The following SV2C variants were observed in gnomAD, a reference collection of about 807,000 sequenced individuals.
The protein encoded by SV2C is synaptic vesicle glycoprotein 2C, also known as solute carrier family 22 member B3.
A neutral mutation model predicts 79.7 loss-of-function variants in SV2C; 49 were observed. That is an observed-to-expected ratio of 0.61 (90% CI 0.49 to 0.78). The LOEUF (loss-of-function observed/expected upper bound fraction) is 0.78. Among genes scored for constraint, SV2C ranks in the 30% least tolerant of loss-of-function variants. SV2C has a pLI of 0.00. For synonymous variants in SV2C, 334 were observed against 333.2 expected (o/e 1.00, Z -0.03); for missense variants, 833 against 912.9 (o/e 0.91, Z 1.13).
the SV2C span, among the ~76,000 whole-genome samples, chr5:76,050,588 C>T: frequency 6.7e-6 from 1 of 148,210 alleles, no homozygotes; most frequent in East Asian, 1.9e-4. Context: ...CTCTCTCTCT[C>T]TTTCACTCTC....
chr5:76,161,984 A>G (rs1482158559), intron 2 of SV2C, among the ~76,000 whole-genome samples: 2 of 152,122 alleles, frequency 1.3e-5, no homozygotes, highest in African/African-American at 2.4e-5. Context: ...CCTCAGTTCT[A>G]TTAACTGTAG....
chr5:76,321,747 A>G (rs761609305), intron 12 of SV2C, among the ~76,000 whole-genome samples: 1 of 49,086 alleles, frequency 2.0e-5, no homozygotes, highest in Non-Finnish European at 3.7e-5. Context: ...ATCATCTCTG[A>G]AAAAAAAAAA....
intron 2 of SV2C, among the ~76,000 whole-genome samples, chr5:76,158,198 A>T (rs10066377): frequency 0.66 from 100,287 of 151,662 alleles, 34,118 homozygotes; most frequent in East Asian, 0.97. Context: ...GTATCAATAA[A>T]GACATTAAAT....
At chr5:76,227,724 C>T (rs1419580254) in intron 4 of SV2C, among the ~76,000 whole-genome samples, 1 of 152,182 alleles carries the variant, frequency 6.6e-6, no homozygotes, top group Non-Finnish European at 1.5e-5. Flanking sequence ...TGTCAGTCCC[C>T]TCCACACATC....
chr5:75,901,995 C>T, the SV2C span, among the ~76,000 whole-genome samples: 1 of 152,202 alleles, frequency 6.6e-6, no homozygotes. Flanking sequence ...GTCTGTCACC[C>T]CTTTCTTTGA....
In SV2C at chr5:76,328,077, A is replaced by G. The variant is rs763219259; in HGVS notation, c.*2530A>G. 8 of 152,140 alleles carry G rather than the reference A, an allele frequency of 5.3e-5. No individual in the cohort carries two copies. The highest frequency in any genetic ancestry group is 1.4e-4 in the African/African-American group (6 of 41,408). The allele number at this position is 152,140 out of a possible 1,614,324, so 9.4% of individuals were successfully genotyped here. ...CCCTGCCTCCTTGAGACTGTTCATC[A>G]CCTTGATTTTCTAAGAGAGCTCAAA... On this transcript the variant is annotated 3_prime_UTR_variant, in exon 13 of 13. Transcript: ENST00000502798.
chr5:76,132,372 T>A, intron 2 of SV2C, 42 bp downstream of exon 2: 1 of 1,545,668 alleles, frequency 6.5e-7, no homozygotes, highest in Non-Finnish European at 8.8e-7. Context: ...GAAACTGGCT[T>A]ATTTGTTAAG....
intron 10 of SV2C, among the ~76,000 whole-genome samples, chr5:76,300,186 TA>T (rs1747938568): frequency 1.3e-5 from 2 of 148,678 alleles, no homozygotes; most frequent in South Asian, 4.2e-4. Context: ...TTATTATTAT[TA>T]TTATTTTTGT....
At chr5:76,106,053 A>C (rs560178854) in intron 1 of SV2C, among the ~76,000 whole-genome samples, 11 of 152,210 alleles carry the variant, frequency 7.2e-5, no homozygotes, top group Admixed American at 3.3e-4. Flanking sequence ...TCTCCATTGG[A>C]TGTCTAATCA....
chr5:75,954,763 G>T, the SV2C span, among the ~76,000 whole-genome samples: 2 of 149,208 alleles, frequency 1.3e-5, no homozygotes, highest in South Asian at 4.2e-4. Flanking sequence ...GACAAACAGA[G>T]AGCCAAATCA....
chr5:76,325,420 A>T lies in SV2C; in HGVS notation c.2057A>T (p.Asn686Ile). 1 of 1,614,170 alleles carries T rather than the reference A, an allele frequency of 6.2e-7. No individual in the cohort carries two copies. Among genetic ancestry groups the T allele is most frequent in the East Asian group, 2.2e-5 (1 of 44,890 alleles). ...TGCAAGGCAGCAGCCGTCCTGGGAA[A>T]CTTAATATTTGGCTCTCTGGTCAGC... ...ALCKAAAVLG[N>I]LIFGSLVSIT... The change falls in exon 13 of 13, where the codon AAC becomes ATC. Residue 686 changes from asparagine (N) to isoleucine (I), a missense_variant. Asn to Ile is a moderately radical substitution (Grantham distance 149, BLOSUM62 -3). Coordinates refer to ENST00000502798, the MANE Select transcript of SV2C (RefSeq NM_014979.4).
At chr5:76,274,986 A>G (rs1196026443) in intron 4 of SV2C, among the ~76,000 whole-genome samples, 1 of 152,086 alleles carries the variant, frequency 6.6e-6, no homozygotes, top group Non-Finnish European at 1.5e-5. Flanking sequence ...GCCCCTTTTT[A>G]AAGAAAATTT....
At chr5:76,285,684 C>T (rs1342922837) in intron 5 of SV2C, 97 bp from the exon 6 acceptor site, 1 of 958,648 alleles carries the variant, frequency 1.0e-6, no homozygotes, top group Admixed American at 2.1e-5. Flanking sequence ...TGCACAATTA[C>T]ACCTCATTTG....
chr5:76,342,197 A>G (rs925257422), intron 12 of SV2C, among the ~76,000 whole-genome samples: 1 of 152,154 alleles, frequency 6.6e-6, no homozygotes, highest in Non-Finnish European at 1.5e-5. Flanking sequence ...CCGTGAGTAC[A>G]CAGTACAGAG....
the SV2C span, among the ~76,000 whole-genome samples, chr5:75,878,990 A>G: frequency 6.6e-6 from 1 of 152,186 alleles, no homozygotes; most frequent in Non-Finnish European, 1.5e-5. Flanking sequence ...TCACATGGTG[A>G]GAATGGGAGC....
the SV2C span, among the ~76,000 whole-genome samples, chr5:75,869,493 T>C: frequency 1.3e-5 from 2 of 152,004 alleles, no homozygotes; most frequent in Non-Finnish European, 2.9e-5. Flanking sequence ...TGCAGTAAAA[T>C]AGAACACCAG....
intron 8 of SV2C, among the ~76,000 whole-genome samples, chr5:76,294,579 C>T (rs1035688810): frequency 8.5e-5 from 13 of 152,076 alleles, no homozygotes; most frequent in African/African-American, 1.9e-4. Context: ...GGATTATAGG[C>T]GTGAGCCACT....
the SV2C span, among the ~76,000 whole-genome samples, chr5:75,922,707 C>A: frequency 6.6e-6 from 1 of 152,154 alleles, no homozygotes; most frequent in African/African-American, 2.4e-5. Flanking sequence ...CATTTATAGA[C>A]CTAAGTCCAA....
At chr5:75,911,311 C>A in the SV2C span, 8 of 1,380,000 alleles carry the variant, frequency 5.8e-6, no homozygotes, top group Non-Finnish European at 1.0e-6. Flanking sequence ...TTCAGGGCAG[C>A]CTTCATCATC....
Sources: gnomAD v4.1 joint callset for allele counts (sites outside exome capture counted in the v4.1 genomes callset) on GRCh38, gnomAD v4.1.1 for gene constraint, MANE v1.5 for transcripts, NCBI Gene and HGNC (gene_info 2026-07-23, HGNC 2026-07-21) for gene names.